RNF13: variants seen among roughly 807,000 people sequenced by gnomAD.
RNF13 encodes ring finger protein 13, also known as E3 ubiquitin-protein ligase RNF13.
RNF13 carries 19 observed loss-of-function variants against 37.7 expected under a neutral mutation model. The observed-to-expected ratio is 0.50, with a 90% CI of 0.35 to 0.74. The LOEUF is 0.74. RNF13 is among the 30% of genes least tolerant of loss of function. The probability of loss-of-function intolerance (pLI) is 0.01; values close to 1 mark genes in which losing one functional copy is unlikely to be tolerated. For missense variants in RNF13, 375 were observed against 453.0 expected (o/e 0.83, Z 1.56); for synonymous variants, 144 against 157.8 (o/e 0.91, Z 0.65).
intron 6 of RNF13, among the ~76,000 whole-genome samples, chr3:149,909,300 A>G (rs1373752677): frequency 6.6e-6 from 1 of 151,650 alleles, no homozygotes; most frequent in African/African-American, 2.4e-5. Flanking sequence ...TTTGAGACAA[A>G]GCCTCACTAT....
rs141594556 is a variant in RNF13, at chr3:149,915,968, T to G, written c.606+3885T>G. On this transcript the variant is annotated intron_variant, in intron 7 of 9. Transcript: ENST00000392894. Reference sequence around the variant, plus strand: ...TACTTAAGCCATCGAACTGTACACTTAAACGTGGTTGAGATAGTAAGGTTT... The same window carrying G: ...TACTTAAGCCATCGAACTGTACACTGAAACGTGGTTGAGATAGTAAGGTTT... 1.4e-3 allele frequency among the ~76,000 whole-genome samples: 206 copies of G among 152,280 alleles called. 8 individuals carry two copies. In the East Asian group the frequency reaches 0.036, roughly 27 times the overall value.
chr3:149,953,477 T>C (rs1721540889), intron 8 of RNF13, among the ~76,000 whole-genome samples: 1 of 152,234 alleles, frequency 6.6e-6, no homozygotes, highest in Non-Finnish European at 1.5e-5. Flanking sequence ...ATGGTCTTCA[T>C]CCCTTCTTTG....
chr3:149,926,809 T>C (rs1718699966), intron 8 of RNF13, among the ~76,000 whole-genome samples: 1 of 152,172 alleles, frequency 6.6e-6, no homozygotes, highest in Non-Finnish European at 1.5e-5. Flanking sequence ...TTTAACCGTT[T>C]ATCAGTATCA....
chr3:149,853,406 T>A (rs545514735), intron 3 of RNF13, among the ~76,000 whole-genome samples: 1 of 149,718 alleles, frequency 6.7e-6, no homozygotes, highest in Non-Finnish European at 1.5e-5. Context: ...TTTTAAAAAA[T>A]CTAATGAACT....
chr3:149,861,874 A>G (rs1480133551), intron 3 of RNF13, among the ~76,000 whole-genome samples: 1 of 152,164 alleles, frequency 6.6e-6, no homozygotes, highest in African/African-American at 2.4e-5. Flanking sequence ...CATTTTATGC[A>G]TGTAACAAAT....
At chr3:149,923,148 TAAAGA>T (rs529268904) in intron 8 of RNF13, among the ~76,000 whole-genome samples, 1 of 152,148 alleles carries the variant, frequency 6.6e-6, no homozygotes, top group Admixed American at 6.5e-5. Flanking sequence ...CATGTTAAAA[TAAAGA>T]AATGAATAGA....
intron 1 of RNF13, among the ~76,000 whole-genome samples, chr3:149,843,774 GCT>G (rs1354055740): frequency 6.6e-6 from 1 of 152,166 alleles, no homozygotes; most frequent in Non-Finnish European, 1.5e-5. Context: ...TTGAATCCTG[GCT>G]CTGCTATTAT....
chr3:149,867,769 A>G (rs1417501150), intron 3 of RNF13, among the ~76,000 whole-genome samples: 1 of 151,762 alleles, frequency 6.6e-6, no homozygotes, highest in Non-Finnish European at 1.5e-5. Context: ...TGGAGAATGG[A>G]TTCCATTTAC....
At chr3:149,900,316 TA>T (rs1715687039) in intron 5 of RNF13, among the ~76,000 whole-genome samples, 1 of 151,810 alleles carries the variant, frequency 6.6e-6, no homozygotes, top group African/African-American at 2.4e-5. Flanking sequence ...AAGTATCAAA[TA>T]AAATAAGCTT....
At chr3:149,821,010 C>T (rs919569504) in intron 1 of RNF13, among the ~76,000 whole-genome samples, 1 of 152,082 alleles carries the variant, frequency 6.6e-6, no homozygotes, top group African/African-American at 2.4e-5. Flanking sequence ...ATATTCCTTT[C>T]CATGTCAGAA....
At chr3:149,903,451 A>G (rs1425091166) in intron 6 of RNF13, among the ~76,000 whole-genome samples, 1 of 152,138 alleles carries the variant, frequency 6.6e-6, no homozygotes, top group African/African-American at 2.4e-5. Context: ...TTTAAAGTGA[A>G]AGTCTCTATG....
At chr3:149,835,665 G>GTGTT (rs1227287726) in intron 1 of RNF13, among the ~76,000 whole-genome samples, 1 of 148,882 alleles carries the variant, frequency 6.7e-6, no homozygotes, top group African/African-American at 2.5e-5. Context: ...GTGTGTGTGT[G>GTGTT]TTTGTGTGTG....
chr3:149,959,908 C>T (rs2108620058), intron 8 of RNF13, 148 bp from the exon 9 acceptor site: 1 of 523,686 alleles, frequency 1.9e-6, no homozygotes, highest in East Asian at 3.1e-5. Context: ...ATTGAAACTT[C>T]AGGTCCTAGG....
At chr3:149,949,236 A>C (rs1721072574) in intron 8 of RNF13, among the ~76,000 whole-genome samples, 1 of 151,922 alleles carries the variant, frequency 6.6e-6, no homozygotes, top group African/African-American at 2.4e-5. Context: ...AGTGGTGATA[A>C]ACTCCCTCAA....
chr3:149,926,958 C>A (rs914656148), intron 8 of RNF13, among the ~76,000 whole-genome samples: 18 of 152,074 alleles, frequency 1.2e-4, no homozygotes, highest in Admixed American at 5.2e-4. Context: ...TCAAGGCCAC[C>A]CCACCTCCAA....
intron 4 of RNF13, among the ~76,000 whole-genome samples, chr3:149,882,348 T>TTAA (rs1162578958): frequency 6.6e-6 from 1 of 152,152 alleles, no homozygotes; most frequent in African/African-American, 2.4e-5. Context: ...TTTTTTGACT[T>TTAA]ATATATTGCT....
chr3:149,929,920 T>C (rs1350119526), intron 8 of RNF13, among the ~76,000 whole-genome samples: 1 of 152,188 alleles, frequency 6.6e-6, no homozygotes, highest in Admixed American at 6.5e-5. Context: ...CCTTGATTAC[T>C]GTACTTTTGT....
chr3:149,894,305 C>G (rs1051203547), intron 4 of RNF13, among the ~76,000 whole-genome samples: 2 of 152,116 alleles, frequency 1.3e-5, no homozygotes, highest in East Asian at 1.9e-4. Flanking sequence ...GTCAACTGAC[C>G]TGACTGGGAT....
chr3:149,936,196 T>C (rs978798609), intron 8 of RNF13, among the ~76,000 whole-genome samples: 11 of 152,156 alleles, frequency 7.2e-5, no homozygotes, highest in African/African-American at 2.7e-4. Context: ...ATTTGATTAT[T>C]GTATGCCTTG....
Sources: allele counts gnomAD v4.1 joint callset (sites outside exome capture counted in the v4.1 genomes callset), GRCh38; gene constraint gnomAD v4.1.1; transcripts MANE v1.5; gene names NCBI Gene and HGNC (gene_info 2026-07-23, HGNC 2026-07-21).